ITPRID1: variants seen among roughly 807,000 people sequenced by gnomAD.
The protein encoded by ITPRID1 is protein ITPRID1.
In ITPRID1, 96 loss-of-function variants were observed where a neutral mutation model predicts 95.4. That is an observed-to-expected ratio of 1.01 (90% CI 0.85 to 1.19). ITPRID1 has a LOEUF of 1.19. Ranked by LOEUF, ITPRID1 falls within the 50% of genes most tolerant of loss-of-function variation. The pLI, the probability that ITPRID1 is intolerant of heterozygous loss-of-function variation, is 0.00. For synonymous variants in ITPRID1, 510 were observed against 453.6 expected (o/e 1.12, Z -1.58); for missense variants, 1,339 against 1,252.9 (o/e 1.07, Z -1.04).
chr7:31,576,958 T>G (rs1169904302), intron 8 of ITPRID1, among the ~76,000 whole-genome samples: 7 of 152,142 alleles, frequency 4.6e-5, no homozygotes. Context: ...TGTTCTCACT[T>G]TAGCCCTTGC....
At chr7:31,603,529 G>T (rs1786488719) in intron 10 of ITPRID1, among the ~76,000 whole-genome samples, 1 of 152,094 alleles carries the variant, frequency 6.6e-6, no homozygotes, top group Non-Finnish European at 1.5e-5. Flanking sequence ...CGAATGAAAG[G>T]GGCAGTTGCT....
At chr7:31,542,944 T>A (rs1783978774) in intron 1 of ITPRID1, among the ~76,000 whole-genome samples, 1 of 152,182 alleles carries the variant, frequency 6.6e-6, no homozygotes, top group Non-Finnish European at 1.5e-5. Context: ...TAAGCACTTA[T>A]TTTTCTTAGG....
chr7:31,652,246 A>T (rs1330688083), intron 14 of ITPRID1, among the ~76,000 whole-genome samples, 196 bp downstream of exon 14: 1 of 152,222 alleles, frequency 6.6e-6, no homozygotes, highest in Non-Finnish European at 1.5e-5. Context: ...ATCAGAATTC[A>T]GTTCACCTGT....
rs1478345240 is a variant in ITPRID1, at chr7:31,656,475, T to C, written c.*3646T>C. On this transcript the variant is annotated 3_prime_UTR_variant, in exon 15 of 15. Coordinates refer to ENST00000615280, the MANE Select transcript of ITPRID1 (RefSeq NM_001257967.3). ...TGTTGGCTATTATTACAAGTGCACA[T>C]ACCAAGAACTCAATAAATGCTAACT... 1 of 981,380 alleles carries C rather than the reference T, an allele frequency of 1.0e-6. No individual in the cohort carries two copies. Among genetic ancestry groups the C allele is most frequent in the Non-Finnish European group, 1.2e-6 (1 of 826,330 alleles). The allele number at this position is 981,380 out of a possible 1,614,324, so 60.8% of individuals were successfully genotyped here.
intron 12 of ITPRID1, among the ~76,000 whole-genome samples, chr7:31,647,323 T>C (rs185802358): frequency 2.6e-5 from 4 of 152,170 alleles, no homozygotes; most frequent in Non-Finnish European, 5.9e-5. Flanking sequence ...AGGACATAGC[T>C]CTTGGACCAA....
intron 1 of ITPRID1, among the ~76,000 whole-genome samples, chr7:31,525,630 A>G (rs10244074): frequency 0.011 from 1,632 of 152,294 alleles, 32 homozygotes; most frequent in African/African-American, 0.038. Flanking sequence ...GGGAGGACTT[A>G]CTGTGATGAG....
intron 5 of ITPRID1, chr7:31,555,106 G>A (rs528989481): frequency 1.5e-4 from 82 of 533,092 alleles, no homozygotes; most frequent in Admixed American, 8.2e-4. Context: ...GTTAAGGGCC[G>A]AACCCAGGGC....
At position 31,653,547 on chromosome 7, in the gene ITPRID1, A is replaced by G. The variant is rs1448793363; in HGVS notation, c.*718A>G. On this transcript the variant is annotated 3_prime_UTR_variant, in exon 15 of 15. Coordinates refer to ENST00000615280, the MANE Select transcript of ITPRID1 (RefSeq NM_001257967.3). ...CTTTGTCAGGATAAAATTCAACAGA[A>G]CTGTTTTAGACTAAAGATTTTAGGG... is the stretch of plus-strand genomic sequence containing the variant. 2.6e-5 allele frequency: 4 copies of G among 152,096 alleles called. No individual in the cohort carries two copies. Among genetic ancestry groups the G allele is most frequent in the African/African-American group, 9.7e-5 (4 of 41,408 alleles). The allele number at this position is 152,096 out of a possible 1,614,324, so 9.4% of individuals were successfully genotyped here.
At chr7:31,605,148 AG>A (rs1318905388) in intron 10 of ITPRID1, among the ~76,000 whole-genome samples, 1 of 149,364 alleles carries the variant, frequency 6.7e-6, no homozygotes, top group Non-Finnish European at 1.5e-5. Context: ...AAAAAAAAAA[AG>A]AGAAAATAAA....
chr7:31,581,196 A>G (rs1785390798), intron 9 of ITPRID1, among the ~76,000 whole-genome samples: 1 of 152,216 alleles, frequency 6.6e-6, no homozygotes, highest in African/African-American at 2.4e-5. Flanking sequence ...CAGAATTTCA[A>G]GTATGATTGG....
At chr7:31,623,396 C>G (rs1788113146) in intron 10 of ITPRID1, among the ~76,000 whole-genome samples, 1 of 151,530 alleles carries the variant, frequency 6.6e-6, no homozygotes, top group Non-Finnish European at 1.5e-5. Flanking sequence ...CATCAAAAAG[C>G]TTATCCACCA....
chr7:31,651,395 T>C, intron 13 of ITPRID1, 126 bp downstream of exon 13: 1 of 1,141,696 alleles, frequency 8.8e-7, no homozygotes, highest in Admixed American at 2.8e-5. Flanking sequence ...GCTTTTCCTT[T>C]GCTTTCTTGG....
chr7:31,577,062 G>T (rs1342093398), intron 8 of ITPRID1, among the ~76,000 whole-genome samples: 1 of 152,070 alleles, frequency 6.6e-6, no homozygotes. Flanking sequence ...AGACTTAACA[G>T]GTTGATGAGC....
At chr7:31,565,262 A>G (rs894355999) in intron 5 of ITPRID1, among the ~76,000 whole-genome samples, 2 of 152,200 alleles carry the variant, frequency 1.3e-5, no homozygotes, top group Admixed American at 6.5e-5. Context: ...AAATAAAACT[A>G]TCTTTAATAA....
intron 5 of ITPRID1, among the ~76,000 whole-genome samples, chr7:31,562,109 C>CA (rs56866013): frequency 0.81 from 120,302 of 147,990 alleles, 50,339 homozygotes; most frequent in Non-Finnish European, 0.92. Flanking sequence ...AACTCTTTCC[C>CA]CCACCAGAAA....
chr7:31,515,530 T>C (rs1014327494), intron 1 of ITPRID1, among the ~76,000 whole-genome samples: 5 of 152,032 alleles, frequency 3.3e-5, no homozygotes, highest in Non-Finnish European at 5.9e-5. Context: ...AGCTGAGATA[T>C]CACCATTGCA....
rs182447467 is a variant in ITPRID1, at chr7:31,625,678, C to T, written c.1229-16498C>T. Reference sequence around the variant, plus strand: ...GGGAGATATACCTAATGCTAGATGACGAGTTAGTGGGTGCAGCGCACCAAC... The same window carrying T: ...GGGAGATATACCTAATGCTAGATGATGAGTTAGTGGGTGCAGCGCACCAAC... On this transcript the variant is annotated intron_variant, in intron 10 of 14. Coordinates refer to ENST00000615280, the MANE Select transcript of ITPRID1 (RefSeq NM_001257967.3). 1.5e-3 allele frequency among the ~76,000 whole-genome samples: 232 copies of T among 151,964 alleles called. 1 individual carries two copies. The highest frequency in any genetic ancestry group is 6.8e-3 in the Middle Eastern group (2 of 294).
intron 10 of ITPRID1, among the ~76,000 whole-genome samples, chr7:31,607,357 T>C (rs1204180091): frequency 6.6e-6 from 1 of 152,178 alleles, no homozygotes; most frequent in Non-Finnish European, 1.5e-5. Flanking sequence ...AGTAGCTTCC[T>C]AAGAAATAAG....
At chr7:31,516,542 A>C (rs1783046216) in intron 1 of ITPRID1, among the ~76,000 whole-genome samples, 2 of 152,342 alleles carry the variant, frequency 1.3e-5, no homozygotes, top group South Asian at 4.1e-4. Flanking sequence ...TAGCTCAGGA[A>C]GAGAAACGGC....
Sources: gnomAD v4.1 joint callset for allele counts (sites outside exome capture counted in the v4.1 genomes callset) on GRCh38, gnomAD v4.1.1 for gene constraint, MANE v1.5 for transcripts, NCBI Gene and HGNC (gene_info 2026-07-23, HGNC 2026-07-21) for gene names.